The following LRRC37B variants were observed in gnomAD, a reference collection of about 807,000 sequenced individuals.
LRRC37B encodes leucine-rich repeat-containing protein 37B.
A neutral mutation model predicts 98.3 loss-of-function variants in LRRC37B; 28 were observed. That is an observed-to-expected ratio of 0.28 (90% CI 0.21 to 0.39). The LOEUF (loss-of-function observed/expected upper bound fraction) is 0.39. LRRC37B is among the 10% of genes least tolerant of loss of function. LRRC37B has a pLI of 1.00. For missense variants in LRRC37B, 938 were observed against 1,182.7 expected (o/e 0.79, Z 3.03); for synonymous variants, 364 against 442.7 (o/e 0.82, Z 2.23).
At chr17:32,050,619 G>A (rs1487385851) in intron 11 of LRRC37B, 1 of 151,752 alleles carries the variant, frequency 6.6e-6, no homozygotes, top group Non-Finnish European at 1.5e-5. Flanking sequence ...TCCAGTTAAA[G>A]AACTACAGGG....
intron 1 of LRRC37B, among the ~76,000 whole-genome samples, chr17:32,009,887 C>G (rs1158667013): frequency 6.6e-6 from 1 of 151,172 alleles, no homozygotes; most frequent in Non-Finnish European, 1.5e-5. Flanking sequence ...CTCAGGCAAT[C>G]TGCCTGCCTT....
chr17:32,018,211 C>A (rs1910688368), upstream of LRRC37B, among the ~76,000 whole-genome samples: 1 of 152,002 alleles, frequency 6.6e-6, no homozygotes, highest in African/African-American at 2.4e-5. Flanking sequence ...GCATGCATCC[C>A]AGCTACTCTG....
At chr17:32,010,661 C>T (rs183067010) in intron 1 of LRRC37B, among the ~76,000 whole-genome samples, 257 of 152,252 alleles carry the variant, frequency 1.7e-3, no homozygotes, top group African/African-American at 5.6e-3. Flanking sequence ...AACAAATGTT[C>T]TAGCTATTTT....
upstream of LRRC37B, chr17:32,007,742 G>A: frequency 8.4e-7 from 1 of 1,193,834 alleles, no homozygotes; most frequent in Non-Finnish European, 1.0e-6. The surrounding 1 kb of genome is among the most constrained non-coding windows in gnomAD (Gnocchi z 4.1). Context: ...GGTAGTAGCC[G>A]GGGCAGGTGG....
chr17:32,031,459 G>A lies in LRRC37B; in HGVS notation c.2057+1G>A. 1 of 1,585,540 alleles carries A rather than the reference G, an allele frequency of 6.3e-7. No individual in the cohort carries two copies. The highest frequency in any genetic ancestry group is 8.6e-7 in the Non-Finnish European group (1 of 1,169,420). Reference sequence around the variant, plus strand: ...ACGGAATGCAGTTTTTACACAACTTGTAAGTGAAATAGAAGATGAATACGT... The same window carrying A: ...ACGGAATGCAGTTTTTACACAACTTATAAGTGAAATAGAAGATGAATACGT... On this transcript the variant is annotated splice_donor_variant, in intron 5 of 11. Coordinates refer to ENST00000327564, the Ensembl canonical transcript of LRRC37B. LOFTEE classifies it high-confidence loss of function.
chr17:32,029,214 G>A (rs1911045413), intron 3 of LRRC37B, among the ~76,000 whole-genome samples: 1 of 151,968 alleles, frequency 6.6e-6, no homozygotes, highest in Admixed American at 6.6e-5. Flanking sequence ...TGTTAGCCAG[G>A]ATCTCAATAT....
intron 5 of LRRC37B, among the ~76,000 whole-genome samples, chr17:32,034,525 C>A (rs79485797): frequency 2.0e-3 from 250 of 127,174 alleles, no homozygotes; most frequent in African/African-American, 5.7e-3. Context: ...AAAAAAAAAA[C>A]AACTTGAATT....
intron 1 of LRRC37B, among the ~76,000 whole-genome samples, chr17:32,012,022 A>G (rs1214637613): frequency 6.6e-6 from 1 of 152,094 alleles, no homozygotes; most frequent in Non-Finnish European, 1.5e-5. Context: ...ACTTGGTATG[A>G]TGAATTAAAA....
exon 1 of LRRC37B, chr17:32,021,849 G>C: frequency 6.2e-7 from 1 of 1,614,134 alleles, no homozygotes; most frequent in Non-Finnish European, 8.5e-7. Context: ...ACTGTATCCC[G>C]GCAGCCTACC....
At position 32,024,336 on chromosome 17, in the gene LRRC37B, G is replaced by A. The variant is rs191491355; in HGVS notation, c.1761-375G>A. 1,246 of 571,402 alleles carry A rather than the reference G, an allele frequency of 2.2e-3. 5 individuals are homozygous for A. The highest frequency in any genetic ancestry group is 3.4e-3 in the Admixed American group (104 of 30,912). The allele number at this position is 571,402 out of a possible 1,614,324, so 35.4% of individuals were successfully genotyped here. A position where few individuals can be genotyped will look rare whatever the true frequency, so the allele number is the denominator to read the frequency against. ...TGGGGTTTCTTTCTACTTATTTATC[G>A]ATAAAGATAAGCTTATGCCCATTTT... is the stretch of plus-strand genomic sequence containing the variant. On this transcript the variant is annotated intron_variant, in intron 1 of 11. Coordinates refer to ENST00000327564, the Ensembl canonical transcript of LRRC37B.
chr17:32,027,876 A>T (rs1911012036), intron 3 of LRRC37B, 36 bp downstream of exon 6: 1 of 1,528,562 alleles, frequency 6.5e-7, no homozygotes, highest in South Asian at 1.2e-5. Context: ...GTTTTTAGTC[A>T]TATTATCTTT....
intron 4 of LRRC37B, 108 bp from the exon 8 acceptor site, chr17:32,031,270 A>G: frequency 6.6e-7 from 1 of 1,513,266 alleles, no homozygotes; most frequent in East Asian, 2.4e-5. Flanking sequence ...CTTAGTGCAC[A>G]GAGAAAAGAT....
rs141872427 is a variant in LRRC37B at position 32,013,710 on chromosome 17, A to ATGTGTGTGTGTG, written c.-190-4248_-190-4237dup. Among the ~76,000 whole-genome samples, 671 of 148,156 alleles carry ATGTGTGTGTGTG rather than the reference A, an allele frequency of 4.5e-3. 3 individuals carry two copies. The highest frequency in any genetic ancestry group is 0.011 in the African/African-American group (429 of 40,400). On this transcript the variant is annotated intron_variant, in intron 1 of 14. Transcript: ENST00000543378. ...TAGTCCCCCTCCCTTATAATTGTAT[A>ATGTGTGTGTGTG]TGTGTGTGTGTGTGTGTGTGTGTGT...
At chr17:32,034,662 C>T (rs974298905) in intron 5 of LRRC37B, among the ~76,000 whole-genome samples, 2 of 151,748 alleles carry the variant, frequency 1.3e-5, no homozygotes, top group African/African-American at 4.8e-5. Flanking sequence ...TTTTTTCTTT[C>T]CTATCCATTT....
intron 7 of LRRC37B, among the ~76,000 whole-genome samples, chr17:32,039,098 G>C (rs1911330911): frequency 6.6e-6 from 1 of 151,984 alleles, no homozygotes; most frequent in Non-Finnish European, 1.5e-5. Flanking sequence ...GAGTTAATTT[G>C]CATATATGGT....
At chr17:32,037,286 G>A (rs1191715647) in intron 7 of LRRC37B, among the ~76,000 whole-genome samples, 1 of 149,780 alleles carries the variant, frequency 6.7e-6, no homozygotes, top group Non-Finnish European at 1.5e-5. Flanking sequence ...CAGCCCAGCA[G>A]ATATTTTTTT....
intron 2 of LRRC37B, among the ~76,000 whole-genome samples, chr17:32,026,745 A>G (rs1269194767): frequency 6.6e-6 from 1 of 152,226 alleles, no homozygotes; most frequent in Non-Finnish European, 1.5e-5. Context: ...ACATTTTAAA[A>G]GCAAGAAAAT....
chr17:32,017,543 G>A (rs1039268277), upstream of LRRC37B, among the ~76,000 whole-genome samples: 2 of 152,110 alleles, frequency 1.3e-5, no homozygotes, highest in African/African-American at 4.8e-5. Context: ...GGTGACCCAC[G>A]CCTGAAATCT....
chr17:32,047,860 C>G (rs547222676), exon 9 of LRRC37B: 6 of 1,614,080 alleles, frequency 3.7e-6, no homozygotes, highest in African/African-American at 2.7e-5. Context: ...GAGTCGGAGG[C>G]GCCCTCAGAC....
Sources: gnomAD v4.1 joint callset for allele counts (sites outside exome capture counted in the v4.1 genomes callset) on GRCh38, gnomAD v4.1.1 for gene constraint, Gnocchi (gnomAD v3.1) non-coding constraint, MANE v1.5 for transcripts, NCBI Gene and HGNC (gene_info 2026-07-23, HGNC 2026-07-21) for gene names.